Variants in PCDHA3 observed in about 807,000 individuals in gnomAD.
The protein encoded by PCDHA3 is protocadherin alpha 3.
Under a neutral mutation model 62.2 loss-of-function variants are expected in PCDHA3, and 41 were observed. The ratio of observed to expected loss-of-function variants is 0.66; its 90% CI spans 0.51 to 0.86. The LOEUF (loss-of-function observed/expected upper bound fraction) is 0.86, where lower values mean the gene tolerates loss of function less well. PCDHA3 is among the 40% of genes least tolerant of loss of function. The pLI, the probability that PCDHA3 is intolerant of heterozygous loss-of-function variation, is 0.00. For synonymous variants in PCDHA3, 640 were observed against 555.4 expected (o/e 1.15, Z -2.14); for missense variants, 1,304 against 1,241.2 (o/e 1.05, Z -0.76).
At chr5:140,901,761 A>G (rs1276192436) in intron 1 of PCDHA3, among the ~76,000 whole-genome samples, 1 of 152,124 alleles carries the variant, frequency 6.6e-6, no homozygotes, top group African/African-American at 2.4e-5. Flanking sequence ...TTTGACAGGG[A>G]TTGCATTGAA....
chr5:140,833,252 G>A (rs1554133803), intron 1 of PCDHA3, among the ~76,000 whole-genome samples: 2 of 152,156 alleles, frequency 1.3e-5, no homozygotes, highest in African/African-American at 4.8e-5. Flanking sequence ...AATACACCAG[G>A]AGAGCAGCAA....
intron 1 of PCDHA3, chr5:140,807,259 G>A (rs138132729): frequency 5.7e-5 from 92 of 1,614,092 alleles, no homozygotes; most frequent in Non-Finnish European, 7.4e-5. Context: ...TCGCAGCCTG[G>A]GAGGCAGGGA....
rs1432987823 is a variant in PCDHA3, at chr5:140,905,869, AAGGCCCAACAAT to A, written c.2395-73074_2395-73063del. ...AAGGAGTATTAACTCACACAATCAC[AAGGCCCAACAAT>A]AGGCCATCTGCAAGCTGAGGAGCAA... On this transcript the variant is annotated intron_variant, in intron 1 of 3. Coordinates refer to ENST00000522353, the MANE Select transcript of PCDHA3 (RefSeq NM_018906.3). 1.1e-4 allele frequency among the ~76,000 whole-genome samples: 17 copies of A among 152,326 alleles called. No individual in the cohort carries two copies. In the South Asian group the frequency reaches 3.5e-3, roughly 32 times the overall value.
chr5:140,853,953 C>A, intron 1 of PCDHA3: 1 of 757,816 alleles, frequency 1.3e-6, no homozygotes, highest in Non-Finnish European at 1.6e-6. Flanking sequence ...AGGGTCCCTT[C>A]CTTGAGCCCA....
At chr5:140,823,017 C>G in intron 1 of PCDHA3, 2 of 1,614,228 alleles carry the variant, frequency 1.2e-6, no homozygotes, top group Non-Finnish European at 1.7e-6. Context: ...CCCTGGACCG[C>G]GAGAGCGTGT....
chr5:140,801,192 C>A lies in PCDHA3; in HGVS notation c.-6C>A. The A allele has an allele frequency of 1.3e-6, 2 of 1,584,552 alleles. No homozygotes were observed. Among genetic ancestry groups the A allele is most frequent in the South Asian group, 1.1e-5 (1 of 87,102 alleles). On this transcript the variant is annotated 5_prime_UTR_variant, in exon 1 of 4. Coordinates refer to ENST00000522353, the MANE Select transcript of PCDHA3 (RefSeq NM_018906.3). ...AAGGCAATCTAATATTTGGAAAATA[C>A]TTGCAATGTTGTTCTCCTGGCGAGA...
intron 1 of PCDHA3, chr5:140,968,393 C>T (rs747934843): frequency 1.8e-5 from 29 of 1,613,976 alleles, no homozygotes; most frequent in East Asian, 2.2e-5. Context: ...TGAGAAGTTT[C>T]GGGAGTTCTT....
chr5:140,806,904 C>T (rs1554123705), intron 1 of PCDHA3: 3 of 465,706 alleles, frequency 6.4e-6, no homozygotes, highest in South Asian at 6.5e-5. Flanking sequence ...TTCTCCGAAA[C>T]GACTGAAATA....
chr5:140,906,296 A>G (rs1378311950), intron 1 of PCDHA3, among the ~76,000 whole-genome samples: 9 of 152,226 alleles, frequency 5.9e-5, no homozygotes, highest in Non-Finnish European at 1.5e-5. Flanking sequence ...GACAATAATA[A>G]GGTCATAATT....
chr5:140,935,388 T>C (rs2090344079), intron 1 of PCDHA3, among the ~76,000 whole-genome samples: 1 of 152,240 alleles, frequency 6.6e-6, no homozygotes, highest in African/African-American at 2.4e-5. Context: ...TCATTTGTTA[T>C]CCCACGGGAC....
chr5:140,877,081 G>T (rs201590988), intron 1 of PCDHA3: 2 of 1,613,120 alleles, frequency 1.2e-6, no homozygotes, highest in Non-Finnish European at 1.7e-6. Flanking sequence ...CCAGGTGAGC[G>T]CGCGCGACGC....
At chr5:140,836,123 T>A (rs1214014408) in intron 1 of PCDHA3, 36 of 1,613,538 alleles carry the variant, frequency 2.2e-5, no homozygotes, top group Non-Finnish European at 3.0e-5. Context: ...TGAGAGAGCT[T>A]GTGCCGCGGT....
intron 1 of PCDHA3, among the ~76,000 whole-genome samples, chr5:140,910,949 C>T (rs1413845849): frequency 1.3e-5 from 2 of 152,112 alleles, no homozygotes; most frequent in African/African-American, 2.4e-5. Context: ...CAGTTCTTTT[C>T]GAGTGTAGCA....
intron 1 of PCDHA3, among the ~76,000 whole-genome samples, chr5:140,912,495 GC>G (rs2075942069): frequency 6.6e-6 from 1 of 152,084 alleles, no homozygotes. Context: ...AGATCTAGGA[GC>G]TTTTTGGATG....
intron 1 of PCDHA3, among the ~76,000 whole-genome samples, chr5:140,911,873 A>G (rs980533422): frequency 7.2e-5 from 11 of 152,038 alleles, no homozygotes; most frequent in African/African-American, 2.7e-4. Flanking sequence ...TTCTGGAACC[A>G]CTCCTGGGAC....
chr5:140,999,372 G>A (rs1029178969), intron 3 of PCDHA3, among the ~76,000 whole-genome samples: 3 of 152,188 alleles, frequency 2.0e-5, no homozygotes, highest in Non-Finnish European at 1.5e-5. Context: ...AATCCCATTA[G>A]ATGGTTATTG....
chr5:140,852,196 G>A lies in PCDHA3; in HGVS notation c.2394+48605G>A, dbSNP rs2150513230. The A allele has an allele frequency of 3.1e-5, 22 of 707,012 alleles. 1 individual carries two copies. The highest frequency in any genetic ancestry group is 1.9e-4 in the African/African-American group (10 of 51,666). The allele number at this position is 707,012 out of a possible 1,614,324, so 43.8% of individuals were successfully genotyped here. On this transcript the variant is annotated intron_variant, in intron 1 of 3. Transcript: ENST00000522353. ...AAATAACTATGAAAATGCCAGTAAC[G>A]TTTATTTAAAACAAAATATTTTAAT... is the stretch of plus-strand genomic sequence containing the variant.
chr5:140,927,374 A>G (rs1026302775), intron 1 of PCDHA3: 5 of 1,614,100 alleles, frequency 3.1e-6, no homozygotes, highest in Non-Finnish European at 4.2e-6. Context: ...ATACTAAGCT[A>G]CAGCCTAAGC....
chr5:140,882,330 T>C (rs1554173536), intron 1 of PCDHA3: 26 of 1,614,056 alleles, frequency 1.6e-5, no homozygotes, highest in Non-Finnish European at 2.1e-5. Context: ...CTTCTGATCC[T>C]CGCAGCCTGG....
Sources: gnomAD v4.1 joint callset for allele counts (sites outside exome capture counted in the v4.1 genomes callset) on GRCh38, gnomAD v4.1.1 for gene constraint, MANE v1.5 for transcripts, NCBI Gene and HGNC (gene_info 2026-07-23, HGNC 2026-07-21) for gene names.